The following TOMM5 variants were observed in gnomAD, a reference collection of about 807,000 sequenced individuals.
The protein encoded by TOMM5 is mitochondrial import receptor subunit TOM5 homolog.
A neutral mutation model predicts 4.8 loss-of-function variants in TOMM5; 1 was observed. The ratio of observed to expected loss-of-function variants is 0.21; its 90% confidence interval spans 0.07 to 0.99. The LOEUF (loss-of-function observed/expected upper bound fraction) is 0.99. TOMM5 is among the 50% of genes least tolerant of loss of function. The pLI is 0.60. For synonymous variants in TOMM5, 26 were observed against 26.7 expected (o/e 0.97, Z 0.08); for missense variants, 60 against 66.6 (o/e 0.90, Z 0.35).
chr9:37,592,241 T>C (rs762043541), intron 1 of TOMM5, 171 bp downstream of exon 1: 1 of 1,542,524 alleles, frequency 6.5e-7, no homozygotes, highest in Admixed American at 2.0e-5. Flanking sequence ...GCCCGGACCC[T>C]GACCCGCAGA....
intron 1 of TOMM5, among the ~76,000 whole-genome samples, chr9:37,591,835 A>C (rs949972843): frequency 6.6e-6 from 1 of 152,110 alleles, no homozygotes; most frequent in Non-Finnish European, 1.5e-5. Flanking sequence ...TCTTCCTTCT[A>C]GAACTATGGT....
In TOMM5 at chr9:37,592,537, G is replaced by A. The variant is rs370349834; in HGVS notation, c.-5C>T. 14 of 1,611,796 alleles carry A rather than the reference G, an allele frequency of 8.7e-6. No homozygotes were observed. Among genetic ancestry groups the A allele is most frequent in the African/African-American group, 1.3e-5 (1 of 74,876 alleles). ...GAGGCCCTCAATCCGGAACATCGCG[G>A]CTCTGACTTAGCAGCTTCCAGCCGC... On this transcript the variant is annotated 5_prime_UTR_variant, in exon 1 of 2. Transcript: ENST00000321301.
Position 37,588,814 on chromosome 9 carries a change from T to C in TOMM5, c.*84A>G. On this transcript the variant is annotated 3_prime_UTR_variant, in exon 2 of 2. Coordinates refer to ENST00000321301, the MANE Select transcript of TOMM5 (RefSeq NM_001001790.3). ...GTCCATTCAAAGAGTCTCTTACACC[T>C]TTCTGGGCCTATTCACTTGCAGAGA... 7.3e-7 allele frequency: 1 copy of C among 1,370,826 alleles called. No homozygotes were observed. Among genetic ancestry groups the C allele is most frequent in the South Asian group, 1.2e-5 (1 of 86,014 alleles). 84.9% of individuals were successfully genotyped at this position (1,370,826 alleles called of 1,614,324 possible).
Position 37,592,538 on chromosome 9 carries a change from C to T in TOMM5, c.-6G>A, listed in dbSNP as rs769582118. ...AGGCCCTCAATCCGGAACATCGCGG[C>T]TCTGACTTAGCAGCTTCCAGCCGCC... On this transcript the variant is annotated 5_prime_UTR_variant, in exon 1 of 2. Transcript: ENST00000321301. 1.2e-5 allele frequency: 19 copies of T among 1,611,772 alleles called. No individual in the cohort carries two copies. The Admixed American group carries it at 2.0e-4, about 17-fold the overall frequency.
chr9:37,592,534 G>C lies in TOMM5; in HGVS notation c.-2C>G. ...CGCGAGGCCCTCAATCCGGAACATC[G>C]CGGCTCTGACTTAGCAGCTTCCAGC... is the stretch of plus-strand genomic sequence containing the variant. On this transcript the variant is annotated 5_prime_UTR_variant, in exon 1 of 2. Coordinates refer to ENST00000321301, the MANE Select transcript of TOMM5 (RefSeq NM_001001790.3). 1 of 1,612,330 alleles carries C rather than the reference G, an allele frequency of 6.2e-7. No homozygotes were observed. The highest frequency in any genetic ancestry group is 8.5e-7 in the Non-Finnish European group (1 of 1,179,330).
In TOMM5 at chr9:37,588,645, C is replaced by T; in HGVS notation, c.*253G>A. 4.7e-6 allele frequency: 3 copies of T among 643,734 alleles called. No homozygotes were observed. Among genetic ancestry groups the T allele is most frequent in the Non-Finnish European group, 8.5e-6 (3 of 352,074 alleles). The allele number at this position is 643,734 out of a possible 1,614,324, so 39.9% of individuals were successfully genotyped here. A position where few individuals can be genotyped will look rare whatever the true frequency, so the allele number is the denominator to read the frequency against. On this transcript the variant is annotated 3_prime_UTR_variant, in exon 2 of 2. Transcript: ENST00000321301. ...AGTTTGACATTATTTACAATTATAC[C>T]AGTATTGTCAGAGGCCAAACGTCAC...
rs757403605 is a variant in TOMM5, at chr9:37,588,883, T to G, written c.*15A>C. The G allele has an allele frequency of 1.4e-5, 22 of 1,613,598 alleles. No homozygotes were observed. The highest frequency in any genetic ancestry group is 1.9e-5 in the Non-Finnish European group (22 of 1,179,588). ...AGGCTCTTCATATCGTGCATTCATA[T>G]GTGATGTCCTGTCTTCATATGCTGT... On this transcript the variant is annotated 3_prime_UTR_variant, in exon 2 of 2. Coordinates refer to ENST00000321301, the MANE Select transcript of TOMM5 (RefSeq NM_001001790.3).
Position 37,592,208 on chromosome 9 carries a change from C to T in TOMM5, c.121+204G>A, listed in dbSNP as rs1010335323. The T allele has an allele frequency of 6.0e-6, 9 of 1,510,380 alleles. No homozygotes were observed. The African/African-American group carries it at 9.7e-5, about 16-fold the overall frequency. 93.6% of individuals were successfully genotyped at this position (1,510,380 alleles called of 1,614,324 possible). A position where few individuals can be genotyped will look rare whatever the true frequency, so the allele number is the denominator to read the frequency against. On this transcript the variant is annotated intron_variant, in intron 1 of 1. Coordinates refer to ENST00000321301, the MANE Select transcript of TOMM5 (RefSeq NM_001001790.3). Reference sequence around the variant, plus strand: ...GAACCAGGATGATTAAACACGCGCGCCGGCCACCACGTGCACTTCAGTGCC... The same window carrying T: ...GAACCAGGATGATTAAACACGCGCGTCGGCCACCACGTGCACTTCAGTGCC...
At chr9:37,590,221 C>T (rs551748844) in intron 1 of TOMM5, among the ~76,000 whole-genome samples, 2 of 152,026 alleles carry the variant, frequency 1.3e-5, no homozygotes, top group Non-Finnish European at 2.9e-5. Context: ...AATGAAACCT[C>T]GTGTCTACAA....
chr9:37,592,370 G>A (rs760635486), intron 1 of TOMM5, 42 bp downstream of exon 1: 3 of 1,613,266 alleles, frequency 1.9e-6, no homozygotes, highest in East Asian at 4.5e-5. Flanking sequence ...CCGTCGGTGA[G>A]CTCCCCGCTG....
rs202059576 is a variant in TOMM5, at chr9:37,592,512, G to C, written c.21C>G (p.Leu7=). MFRIEG[L]APKLDPEEMK... ...TCTCCTCCGGGTCCAGCTTCGGCGC[G>C]AGGCCCTCAATCCGGAACATCGCGG... The change falls in exon 1 of 2, where the codon CTC becomes CTG. Residue 7 remains leucine (L), a synonymous_variant. Coordinates refer to ENST00000321301, the MANE Select transcript of TOMM5 (RefSeq NM_001001790.3). The C allele has an allele frequency of 8.7e-6, 14 of 1,613,598 alleles. No homozygotes were observed. In the African/African-American group the frequency reaches 1.5e-4, roughly 17 times the overall value.
At chr9:37,592,149 G>A in intron 1 of TOMM5, 2 of 1,402,934 alleles carry the variant, frequency 1.4e-6, no homozygotes, top group Admixed American at 2.3e-5. Flanking sequence ...GTGAGCCAAC[G>A]CGCCCGGCAG....
rs1327604448 is a variant in TOMM5, at chr9:37,592,575, T to C, written c.-43A>G. 1 of 1,593,036 alleles carries C rather than the reference T, an allele frequency of 6.3e-7. No homozygotes were observed. The highest frequency in any genetic ancestry group is 1.3e-5 in the African/African-American group (1 of 74,542). Reference sequence around the variant, plus strand: ...AGCTTCCAGCCGCCGCGCTCTGCTCTCCACGGTGGCCGCCTCGCGCCCGGA... The same window carrying C: ...AGCTTCCAGCCGCCGCGCTCTGCTCCCCACGGTGGCCGCCTCGCGCCCGGA... On this transcript the variant is annotated 5_prime_UTR_variant, in exon 1 of 2. Coordinates refer to ENST00000321301, the MANE Select transcript of TOMM5 (RefSeq NM_001001790.3).
At chr9:37,591,774 A>G (rs920637446) in intron 1 of TOMM5, among the ~76,000 whole-genome samples, 6 of 151,954 alleles carry the variant, frequency 3.9e-5, no homozygotes, top group African/African-American at 1.5e-4. Flanking sequence ...GGTCAAGATC[A>G]TTCACTGAAT....
intron 1 of TOMM5, among the ~76,000 whole-genome samples, chr9:37,591,453 G>A (rs1588874235): frequency 6.6e-6 from 1 of 152,106 alleles, no homozygotes; most frequent in East Asian, 1.9e-4. Flanking sequence ...CACTTTGGGA[G>A]GCTGAGGCAG....
intron 1 of TOMM5, among the ~76,000 whole-genome samples, chr9:37,590,221 C>G (rs551748844): frequency 6.6e-6 from 1 of 152,144 alleles, no homozygotes; most frequent in Admixed American, 6.5e-5. Context: ...AATGAAACCT[C>G]GTGTCTACAA....
At chr9:37,591,802 C>T (rs1588874460) in intron 1 of TOMM5, among the ~76,000 whole-genome samples, 1 of 152,172 alleles carries the variant, frequency 6.6e-6, no homozygotes, top group African/African-American at 2.4e-5. Flanking sequence ...TGACCTTTGG[C>T]CAGCCTTCCC....
intron 1 of TOMM5, among the ~76,000 whole-genome samples, chr9:37,590,199 C>A (rs937947536): frequency 6.6e-6 from 1 of 152,058 alleles, no homozygotes; most frequent in Non-Finnish European, 1.5e-5. Flanking sequence ...TTGAGACCAA[C>A]CTGGGCAGCA....
rs535719352 is a variant in TOMM5 at position 37,588,570 on chromosome 9, A to G, written c.*328T>C. ...AAAAAGGTAAACAGAAATGACTGAC[A>G]AGACAGTGCCATTTCAGACACAGCT... On this transcript the variant is annotated 3_prime_UTR_variant, in exon 2 of 2. Coordinates refer to ENST00000321301, the MANE Select transcript of TOMM5 (RefSeq NM_001001790.3). 4.3e-6 allele frequency: 2 copies of G among 459,962 alleles called. No homozygotes were observed. The highest frequency in any genetic ancestry group is 4.6e-5 in the East Asian group (1 of 21,710). The allele number at this position is 459,962 out of a possible 1,614,324, so 28.5% of individuals were successfully genotyped here. A position where few individuals can be genotyped will look rare whatever the true frequency, so the allele number is the denominator to read the frequency against.
Sources: gnomAD v4.1 joint callset for allele counts (sites outside exome capture counted in the v4.1 genomes callset) on GRCh38, gnomAD v4.1.1 for gene constraint, MANE v1.5 for transcripts, NCBI Gene and HGNC (gene_info 2026-07-23, HGNC 2026-07-21) for gene names.